The following NOP14 variants were observed in gnomAD, a reference collection of about 807,000 sequenced individuals.
NOP14 encodes the protein NOP14 nucleolar protein, also known as nucleolar protein 14.
Under a neutral mutation model 101.6 loss-of-function variants are expected in NOP14, and 57 were observed. The ratio of observed to expected loss-of-function variants is 0.56; its 90% CI spans 0.45 to 0.70. The LOEUF is 0.70. Ranked by LOEUF, NOP14 falls within the 30% of genes least tolerant of loss-of-function variation. NOP14 has a pLI of 0.00. For synonymous variants in NOP14, 428 were observed against 424.0 expected (o/e 1.01, Z -0.12); for missense variants, 1,134 against 1,075.5 (o/e 1.05, Z -0.76).
chr4:2,954,082 G>A (rs1392413882), intron 4 of NOP14, among the ~76,000 whole-genome samples: 2 of 152,150 alleles, frequency 1.3e-5, no homozygotes, highest in Non-Finnish European at 2.9e-5. Flanking sequence ...GCGCCCACTA[G>A]CTACTTGGGG....
chr4:2,946,506 C>G lies in NOP14; in HGVS notation c.1541G>C (p.Ser514Thr), dbSNP rs748963127. ...HLCQMFPESA[S>T]DAIKFVLRDA... Reference sequence around the variant, plus strand: ...TCGGAGAACAAATTTGATAGCGTCACTTGCAGATTCAGGAAACATCTGGCA... The same window carrying G: ...TCGGAGAACAAATTTGATAGCGTCAGTTGCAGATTCAGGAAACATCTGGCA... Residue 514 changes from serine to threonine, a missense_variant, in exon 11 of 18, where the codon AGT becomes ACT. Coordinates refer to ENST00000416614, the MANE Select transcript of NOP14 (RefSeq NM_001291978.2). 6 of 1,614,160 alleles carry G rather than the reference C, an allele frequency of 3.7e-6. No homozygotes were observed. The highest frequency in any genetic ancestry group is 4.2e-6 in the Non-Finnish European group (5 of 1,179,982).
intron 1 of NOP14, among the ~76,000 whole-genome samples, 179 bp from the exon 2 acceptor site, chr4:2,957,919 A>G (rs545398594): frequency 2.0e-5 from 3 of 152,222 alleles, no homozygotes; most frequent in Admixed American, 1.3e-4. Flanking sequence ...TGAGAAGAGC[A>G]AAACAACTTT....
Position 2,963,386 on chromosome 4 carries a change from C to T in NOP14, c.-67G>A. On this transcript the variant is annotated 5_prime_UTR_variant, in exon 1 of 18. Coordinates refer to ENST00000416614, the MANE Select transcript of NOP14 (RefSeq NM_001291978.2). ...GAGACAGGCGCGCGCTACCCTAAGA[C>T]ACGTGCCGGGCCGCGGAACCGCTTC... The T allele has an allele frequency of 3.3e-5, 47 of 1,437,860 alleles. No individual in the cohort carries two copies. The highest frequency in any genetic ancestry group is 4.2e-5 in the Non-Finnish European group (46 of 1,096,978). The allele number at this position is 1,437,860 out of a possible 1,614,324, so 89.1% of individuals were successfully genotyped here. A position where few individuals can be genotyped will look rare whatever the true frequency, so the allele number is the denominator to read the frequency against.
rs1164339399 is a variant in NOP14, at chr4:2,960,818, C to T, written c.195+2307G>A. 1.1e-3 allele frequency among the ~76,000 whole-genome samples: 103 copies of T among 91,500 alleles called. 11 individuals carry two copies. Among genetic ancestry groups the T allele is most frequent in the African/African-American group, 5.5e-3 (99 of 18,134 alleles). 60.0% of individuals were successfully genotyped at this position (91,500 alleles called of 152,430 possible). On this transcript the variant is annotated intron_variant, in intron 1 of 17. Coordinates refer to ENST00000416614, the MANE Select transcript of NOP14 (RefSeq NM_001291978.2). The stretch of plus-strand genomic sequence containing the variant: ...AATATTAATATATTAATATTATAAT[C>T]ACATTATCAATATATTAATATTATA...
intron 1 of NOP14, among the ~76,000 whole-genome samples, chr4:2,960,230 C>G (rs1411301337): frequency 6.6e-6 from 1 of 152,026 alleles, no homozygotes; most frequent in Non-Finnish European, 1.5e-5. Flanking sequence ...CCTCGGCCTC[C>G]CAAAGTGCTA....
intron 12 of NOP14, 53 bp downstream of exon 12, chr4:2,945,075 C>CG: frequency 7.6e-7 from 1 of 1,321,682 alleles, no homozygotes. Context: ...GCTGTGGCTC[C>CG]GGCCACCCGT....
At chr4:2,953,432 A>G (rs966122156) in intron 5 of NOP14, 79 bp downstream of exon 5, 19 of 1,525,254 alleles carry the variant, frequency 1.2e-5, no homozygotes, top group Middle Eastern at 3.7e-4. Context: ...AGAGCCGTCC[A>G]GCCCCAGCCC....
rs550334376 is a variant in NOP14, at chr4:2,960,070, A to C, written c.196-2330T>G. Among the ~76,000 whole-genome samples the C allele has an allele frequency of 4.3e-4, 66 of 152,146 alleles. 1 individual carries two copies. The highest frequency in any genetic ancestry group is 1.3e-3 in the African/African-American group (56 of 41,520). ...CTACAACCTCCACCTGCCGGGTTCA[A>C]GCAATTCTCCTGCCTCAGCCTCCCC... On this transcript the variant is annotated intron_variant, in intron 1 of 17. Transcript: ENST00000416614.
In NOP14 at chr4:2,950,139, C is replaced by G. The variant is rs1247743611; in HGVS notation, c.1077G>C (p.Glu359Asp). 6.2e-7 allele frequency: 1 copy of G among 1,614,092 alleles called. No individual in the cohort carries two copies. The highest frequency in any genetic ancestry group is 8.5e-7 in the Non-Finnish European group (1 of 1,180,040). Residue 359 changes from glutamate to aspartate, a missense_variant, in exon 8 of 18, where the codon GAG (glutamate) becomes GAC (aspartate). By Grantham distance (45) the Glu-to-Asp change is conservative (BLOSUM62 2). Coordinates refer to ENST00000416614, the MANE Select transcript of NOP14 (RefSeq NM_001291978.2). ...CCCCGCCTGAACTGTCACCTTCTTC[C>G]TCGTTGCTCTCAGGGTCACTGGCTT... is the stretch of plus-strand genomic sequence containing the variant. Reference protein sequence around the residue: ...SKEASDPESNEEEGDSSGGED... With the variant: ...SKEASDPESNDEEGDSSGGED...
intron 3 of NOP14, 43 bp from the exon 4 acceptor site, chr4:2,954,606 T>C: frequency 1.9e-6 from 3 of 1,603,158 alleles, no homozygotes; most frequent in Non-Finnish European, 1.7e-6. Context: ...AGCCCAGCCC[T>C]GGCGTGGGAA....
At chr4:2,959,792 G>C (rs1053195904) in intron 1 of NOP14, among the ~76,000 whole-genome samples, 1 of 152,100 alleles carries the variant, frequency 6.6e-6, no homozygotes, top group Non-Finnish European at 1.5e-5. Context: ...TACTGAATCA[G>C]GTTAAGCTCT....
chr4:2,957,570 G>T, intron 2 of NOP14, 36 bp downstream of exon 2: 1 of 1,611,138 alleles, frequency 6.2e-7, no homozygotes, highest in Non-Finnish European at 8.5e-7. Context: ...CCTGTGAAAT[G>T]TACAGCAAAA....
At chr4:2,948,495 C>T (rs910920962) in intron 8 of NOP14, 87 bp from the exon 9 acceptor site, 2 of 1,110,898 alleles carry the variant, frequency 1.8e-6, no homozygotes, top group Admixed American at 3.6e-5. Context: ...CGCTCTGTTG[C>T]CCAGGCTGGA....
In NOP14 at chr4:2,938,582, C is replaced by A. The variant is rs987526313; in HGVS notation, c.*249G>T. 22 of 510,122 alleles carry A rather than the reference C, an allele frequency of 4.3e-5. No homozygotes were observed. The highest frequency in any genetic ancestry group is 4.0e-4 in the African/African-American group (21 of 51,900). 31.6% of individuals were successfully genotyped at this position (510,122 alleles called of 1,614,324 possible). ...GGAGTGCAGTGGCTCAATCACGGCT[C>A]ACTGTAACCTTGGACTCAGCTCAAG... On this transcript the variant is annotated 3_prime_UTR_variant, in exon 18 of 18. Coordinates refer to ENST00000416614, the MANE Select transcript of NOP14 (RefSeq NM_001291978.2).
At chr4:2,961,893 C>T (rs1715972158) in intron 1 of NOP14, among the ~76,000 whole-genome samples, 1 of 152,234 alleles carries the variant, frequency 6.6e-6, no homozygotes, top group South Asian at 2.1e-4. Flanking sequence ...GCCTTCAGCA[C>T]AGGGCAGGGA....
chr4:2,944,685 GCGTGAGCCAC>G (rs896486037), intron 12 of NOP14, among the ~76,000 whole-genome samples: 1 of 152,220 alleles, frequency 6.6e-6, no homozygotes, highest in African/African-American at 2.4e-5. Flanking sequence ...GGGATTACAG[GCGTGAGCCAC>G]CGCGCCTGGC....
In NOP14 at chr4:2,939,286, C is replaced by T. The variant is rs1156874339; in HGVS notation, c.2376G>A (p.Leu792=). 2.5e-6 allele frequency: 4 copies of T among 1,614,054 alleles called. No individual in the cohort carries two copies. The highest frequency in any genetic ancestry group is 3.4e-6 in the Non-Finnish European group (4 of 1,180,038). The change falls in exon 17 of 18, where the codon CTG becomes CTA. Residue 792 remains leucine, a synonymous_variant. Coordinates refer to ENST00000416614, the MANE Select transcript of NOP14 (RefSeq NM_001291978.2). ...SSKEEQERKR[L]IHKHKREFKG... is the part of the protein sequence containing the mutation. ...TAAATTCACGCTTGTGTTTGTGGATCAGCCTCTTCCTTTCCTGTTCCTCCT... is the reference window on the plus strand; with the variant it reads ...TAAATTCACGCTTGTGTTTGTGGATTAGCCTCTTCCTTTCCTGTTCCTCCT...
At chr4:2,953,726 C>T in intron 4 of NOP14, 81 bp from the exon 5 acceptor site, 3 of 1,519,368 alleles carry the variant, frequency 2.0e-6, no homozygotes, top group Non-Finnish European at 1.8e-6. Flanking sequence ...GTGCCAAGGA[C>T]ACACACAGTG....
At chr4:2,961,074 CTATATTAATATTATAATAA>C (rs1468166834) in intron 1 of NOP14, among the ~76,000 whole-genome samples, 1 of 112,758 alleles carries the variant, frequency 8.9e-6, no homozygotes, top group Non-Finnish European at 1.6e-5. Flanking sequence ...TATATTAATA[CTATATTAATATTATAATAA>C]TATATTAATA....
Sources: allele counts gnomAD v4.1 joint callset (sites outside exome capture counted in the v4.1 genomes callset), GRCh38; gene constraint gnomAD v4.1.1; transcripts MANE v1.5; gene names NCBI Gene and HGNC (gene_info 2026-07-23, HGNC 2026-07-21).